The following CALD1 variants were observed in gnomAD, a reference collection of about 807,000 sequenced individuals.
CALD1 encodes the protein caldesmon.
Under a neutral mutation model 99.9 loss-of-function variants are expected in CALD1, and 33 were observed. The ratio of observed to expected loss-of-function variants is 0.33; its 90% CI spans 0.25 to 0.44. The LOEUF (loss-of-function observed/expected upper bound fraction) is 0.44, where lower values mean the gene tolerates loss of function less well. Ranked by LOEUF, CALD1 falls within the 20% of genes least tolerant of loss-of-function variation. The pLI is 1.00. For synonymous variants in CALD1, 310 were observed against 325.0 expected, an observed-to-expected ratio of 0.95 and a Z score of 0.50; for missense variants, 861 against 962.1, an observed-to-expected ratio of 0.89 and a Z score of 1.39.
rs754604758 is a variant in CALD1, at chr7:134,933,161, C to T, written c.392C>T (p.Ser131Leu). Residue 131 changes from serine to leucine, a missense_variant, in exon 5 of 15, where the codon TCG becomes TTG. By Grantham distance (145) the Ser-to-Leu change is moderately radical. Around this residue, in one of 5 missense-constraint regions of CALD1, gnomAD observed 234 missense variants for 233.1 expected, o/e 1.00. Coordinates refer to ENST00000361675, the MANE Select transcript of CALD1 (RefSeq NM_033138.4). The stretch of plus-strand genomic sequence containing the variant: ...CCAACAATAACAGATGCAAGTCTGT[C>T]GCTCCCAAGCAGAAGAATGCAAAAT... Reference protein sequence around the residue: ...FDPTITDASLSLPSRRMQNDT... With the variant: ...FDPTITDASLLLPSRRMQNDT... The T allele has an allele frequency of 1.1e-4, 185 of 1,612,784 alleles. No individual in the cohort carries two copies. The highest frequency in any genetic ancestry group is 1.4e-4 in the Non-Finnish European group (169 of 1,179,782).
intron 2 of CALD1, among the ~76,000 whole-genome samples, chr7:134,858,075 C>CT (rs5887709): frequency 0.48 from 70,666 of 146,756 alleles, 17,403 homozygotes; most frequent in East Asian, 0.77. Flanking sequence ...GAGTTGCTGA[C>CT]TTTTTTTTTT....
intron 1 of CALD1, among the ~76,000 whole-genome samples, chr7:134,768,128 T>A (rs146194845): frequency 1.3e-5 from 2 of 152,312 alleles, no homozygotes; most frequent in East Asian, 3.9e-4. Context: ...AGAGACTTCC[T>A]ATAGGAAGGC....
chr7:134,832,692 A>C (rs1799278412), intron 1 of CALD1, among the ~76,000 whole-genome samples: 1 of 152,246 alleles, frequency 6.6e-6, no homozygotes, highest in African/African-American at 2.4e-5. Flanking sequence ...ACAGACAGAC[A>C]GCGGGAGAAA....
intron 3 of CALD1, among the ~76,000 whole-genome samples, chr7:134,898,052 G>A (rs1802711283): frequency 6.6e-6 from 1 of 152,098 alleles, no homozygotes. Flanking sequence ...ATCCTCCCGA[G>A]AAGCTGGGAT....
intron 1 of CALD1, among the ~76,000 whole-genome samples, chr7:134,841,004 C>T (rs1799627628): frequency 6.6e-6 from 1 of 152,150 alleles, no homozygotes. Context: ...ACACTCTTCT[C>T]TGAGCACCCT....
At chr7:134,954,491 G>A (rs1339721319) in intron 9 of CALD1, among the ~76,000 whole-genome samples, 5 of 152,216 alleles carry the variant, frequency 3.3e-5, no homozygotes, top group Non-Finnish European at 7.3e-5. Flanking sequence ...GAGCCACTAA[G>A]TTAGGATATT....
At chr7:134,718,591 A>C in the CALD1 span, among the ~76,000 whole-genome samples, 2 of 152,162 alleles carry the variant, frequency 1.3e-5, no homozygotes, top group East Asian at 3.8e-4. Context: ...ACAAGTAGTA[A>C]AATACAGATG....
rs1488617867 is a variant in CALD1 at position 134,864,359 on chromosome 7, A to AAG, written c.-41-3333_-41-3332insGA. Among the ~76,000 whole-genome samples, 69 of 151,508 alleles carry AAG rather than the reference A, an allele frequency of 4.6e-4. 1 individual carries two copies. Among genetic ancestry groups the AAG allele is most frequent in the African/African-American group, 1.6e-3 (65 of 41,272 alleles). The stretch of plus-strand genomic sequence containing the variant: ...TGAAACTCCATCTCAAAAAAAAAAA[A>AAG]AAGGAAGGGCAGTGTGTTTGGTGAT... On this transcript the variant is annotated intron_variant, in intron 2 of 14. Transcript: ENST00000361675.
chr7:134,716,059 A>G, the CALD1 span, among the ~76,000 whole-genome samples: 3 of 152,304 alleles, frequency 2.0e-5, no homozygotes, highest in South Asian at 6.2e-4. Flanking sequence ...CTGCAGCCAT[A>G]CAATGGTATT....
the CALD1 span, among the ~76,000 whole-genome samples, chr7:134,713,767 G>C: frequency 1.3e-5 from 2 of 152,134 alleles, no homozygotes; most frequent in Non-Finnish European, 2.9e-5. Context: ...CAGTAGCTTA[G>C]AAAATGCACG....
intron 11 of CALD1, among the ~76,000 whole-genome samples, chr7:134,959,489 T>A (rs1044383967): frequency 7.2e-5 from 11 of 152,076 alleles, no homozygotes; most frequent in Admixed American, 6.6e-4. Context: ...CTGGGCAACA[T>A]AGGGACTATG....
At chr7:134,718,811 C>G in the CALD1 span, among the ~76,000 whole-genome samples, 1 of 152,092 alleles carries the variant, frequency 6.6e-6, no homozygotes, top group Non-Finnish European at 1.5e-5. Context: ...AATCTAAGAC[C>G]CTTAGCAGTT....
chr7:134,945,899 G>A (rs184833751), intron 7 of CALD1, among the ~76,000 whole-genome samples: 1 of 152,188 alleles, frequency 6.6e-6, no homozygotes, highest in Admixed American at 6.5e-5. Context: ...TCGTCTGCCA[G>A]AGATCAGCTG....
chr7:134,714,983 T>G, the CALD1 span, among the ~76,000 whole-genome samples: 3 of 152,180 alleles, frequency 2.0e-5, no homozygotes, highest in Non-Finnish European at 4.4e-5. Flanking sequence ...AGCTGTGGTT[T>G]CCCTTTGCCT....
chr7:134,941,061 C>G, intron 6 of CALD1, 31 bp from the exon 7 acceptor site: 1 of 1,551,576 alleles, frequency 6.4e-7, no homozygotes, highest in Non-Finnish European at 8.7e-7. Context: ...TTTTCTTGTT[C>G]TGTTTCTTCC....
At chr7:134,723,650 T>G in the CALD1 span, among the ~76,000 whole-genome samples, 1 of 150,806 alleles carries the variant, frequency 6.6e-6, no homozygotes, top group Non-Finnish European at 1.5e-5. Flanking sequence ...ATTTTGTCTC[T>G]TAGAGAACAT....
At chr7:134,968,024 T>C (rs1808804158) in intron 14 of CALD1, among the ~76,000 whole-genome samples, 1 of 151,906 alleles carries the variant, frequency 6.6e-6, no homozygotes, top group Non-Finnish European at 1.5e-5. Context: ...TGTATGCCCG[T>C]AATCCCCAGC....
At chr7:134,886,926 C>A (rs1801882574) in intron 3 of CALD1, among the ~76,000 whole-genome samples, 1 of 152,190 alleles carries the variant, frequency 6.6e-6, no homozygotes, top group Non-Finnish European at 1.5e-5. Context: ...GCACTTAGTG[C>A]AATGACTTGC....
At chr7:134,891,658 T>C in intron 3 of CALD1, 1 of 1,603,178 alleles carries the variant, frequency 6.2e-7, no homozygotes, top group Non-Finnish European at 8.5e-7. Context: ...AGACGCAGCC[T>C]GGCCGCGCTC....
Sources: allele counts gnomAD v4.1 joint callset (sites outside exome capture counted in the v4.1 genomes callset), GRCh38; gene constraint gnomAD v4.1.1; regional missense constraint gnomAD v4.1.1; transcripts MANE v1.5; gene names NCBI Gene and HGNC (gene_info 2026-07-23, HGNC 2026-07-21).